SETD7: variants seen among roughly 807,000 people sequenced by gnomAD.
SETD7 encodes the protein SET domain containing 7, histone lysine methyltransferase, also known as histone-lysine N-methyltransferase SETD7.
SETD7 carries 16 observed loss-of-function variants against 41.8 expected under a neutral mutation model. The observed-to-expected ratio is 0.38, with a 90% confidence interval of 0.26 to 0.58. The LOEUF (loss-of-function observed/expected upper bound fraction) is 0.58, where lower values mean the gene tolerates loss of function less well. Among genes scored for constraint, SETD7 ranks in the 20% least tolerant of loss-of-function variants. The probability of loss-of-function intolerance (pLI) is 0.64; values close to 1 mark genes in which losing one functional copy is unlikely to be tolerated. For synonymous variants in SETD7, 163 were observed against 169.7 expected (o/e 0.96, Z 0.31); for missense variants, 346 against 459.7 (o/e 0.75, Z 2.26).
At chr4:139,502,070 A>G (rs1726590802), downstream of SETD7, among the ~76,000 whole-genome samples, 1 of 152,248 alleles carries the variant, frequency 6.6e-6, no homozygotes, top group Admixed American at 6.5e-5. Context: ...AAGTTATGTC[A>G]CACAGCTAGA....
At chr4:139,535,397 T>G (rs1727610721) in intron 2 of SETD7, among the ~76,000 whole-genome samples, 1 of 152,204 alleles carries the variant, frequency 6.6e-6, no homozygotes, top group African/African-American at 2.4e-5. Context: ...AGATTTTTAT[T>G]TGCTCATCCT....
In SETD7 at chr4:139,510,163, T is replaced by C. The variant is rs947558468; in HGVS notation, c.*1500A>G. 6.6e-5 allele frequency: 10 copies of C among 152,428 alleles called. No homozygotes were observed. The highest frequency in any genetic ancestry group is 2.4e-4 in the African/African-American group (10 of 41,586). The allele number at this position is 152,428 out of a possible 1,614,324, so 9.4% of individuals were successfully genotyped here. On this transcript the variant is annotated 3_prime_UTR_variant, in exon 8 of 8. Transcript: ENST00000274031. ...CCTTCTCTCATCAGCTGGAGCTCAC[T>C]ATCTGCTACAGCTTGGAAGGCCTTC...
Position 139,511,587 on chromosome 4 carries a change from T to G in SETD7, c.*76A>C. ...CGTCACAGCATGAGCAGTCCCTGGT[T>G]GTCCCATTGTCAGATAAACGTAGTG... On this transcript the variant is annotated 3_prime_UTR_variant, in exon 8 of 8. Transcript: ENST00000274031. 6.3e-7 allele frequency: 1 copy of G among 1,599,532 alleles called. No individual in the cohort carries two copies. The highest frequency in any genetic ancestry group is 1.4e-5 in the African/African-American group (1 of 73,980).
At position 139,533,993 on chromosome 4, in the gene SETD7, A is replaced by ATG. The variant is rs1239426423; in HGVS notation, c.171-628_171-627insCA. Among the ~76,000 whole-genome samples the ATG allele has an allele frequency of 6.3e-3, 939 of 148,544 alleles. 10 individuals carry two copies. Among genetic ancestry groups the ATG allele is most frequent in the African/African-American group, 0.017 (683 of 40,150 alleles). ...TGTATGTATGTATGTATGTATGTAT[A>ATG]TCTATGTATATACATACATCCATGA... On this transcript the variant is annotated intron_variant, in intron 2 of 7. Transcript: ENST00000274031.
intron 5 of SETD7, among the ~76,000 whole-genome samples, chr4:139,521,435 A>G (rs1041795743): frequency 1.3e-5 from 2 of 152,166 alleles, no homozygotes; most frequent in African/African-American, 4.8e-5. Flanking sequence ...TTAAAAAAAA[A>G]AAAGAAAAAA....
At position 139,529,919 on chromosome 4, in the gene SETD7, C is replaced by T. The variant is rs189763195; in HGVS notation, c.373-699G>A. Among the ~76,000 whole-genome samples the T allele has an allele frequency of 3.5e-4, 53 of 152,298 alleles. 1 individual carries two copies. The East Asian group carries it at 5.6e-3, about 16-fold the overall frequency. On this transcript the variant is annotated intron_variant, in intron 3 of 7. Transcript: ENST00000274031. ...TCAATTCTTTCTTTCCACTCTATTT[C>T]CTGCTCCCTCTTGCCTCCTTTTAGC...
In SETD7 at chr4:139,507,034, G is replaced by C. The variant is rs1235694082; in HGVS notation, c.*4629C>G. The C allele has an allele frequency of 1.3e-5, 2 of 152,776 alleles. No homozygotes were observed. Among genetic ancestry groups the C allele is most frequent in the Admixed American group, 6.5e-5 (1 of 15,286 alleles). 9.5% of individuals were successfully genotyped at this position (152,776 alleles called of 1,614,324 possible). A position where few individuals can be genotyped will look rare whatever the true frequency, so the allele number is the denominator to read the frequency against. On this transcript the variant is annotated 3_prime_UTR_variant, in exon 8 of 8. Coordinates refer to ENST00000274031, the MANE Select transcript of SETD7 (RefSeq NM_030648.4). Reference sequence around the variant, plus strand: ...TGCGAGGCAGAAGTCAGAAGGTAGAGATTGCTGGCAAAACTGTGAAGTCCC... The same window carrying C: ...TGCGAGGCAGAAGTCAGAAGGTAGACATTGCTGGCAAAACTGTGAAGTCCC...
At chr4:139,520,123 G>C (rs1435310898) in intron 6 of SETD7, among the ~76,000 whole-genome samples, 154 bp downstream of exon 6, 1 of 152,026 alleles carries the variant, frequency 6.6e-6, no homozygotes, top group Admixed American at 6.6e-5. Flanking sequence ...TCGTATTAAG[G>C]CTTAAAATAA....
At chr4:139,526,563 T>C (rs1727336038) in intron 4 of SETD7, among the ~76,000 whole-genome samples, 1 of 151,944 alleles carries the variant, frequency 6.6e-6, no homozygotes. Flanking sequence ...GGATTACAGC[T>C]GTGAGCCACC....
chr4:139,545,893 C>T, intron 2 of SETD7, among the ~76,000 whole-genome samples: 1 of 152,164 alleles, frequency 6.6e-6, no homozygotes, highest in Middle Eastern at 3.2e-3. Context: ...TTTACCCAAC[C>T]AACGGGTCTG....
intron 7 of SETD7, among the ~76,000 whole-genome samples, chr4:139,500,532 G>C (rs190018052): frequency 2.4e-4 from 37 of 152,230 alleles, no homozygotes; most frequent in African/African-American, 7.7e-4. Context: ...TTTTTGAGAC[G>C]GAGTCTTGCT....
At chr4:139,505,266 C>T (rs920858434), downstream of SETD7, among the ~76,000 whole-genome samples, 2 of 152,292 alleles carry the variant, frequency 1.3e-5, no homozygotes, top group Middle Eastern at 6.8e-3. Flanking sequence ...ACTATGTTGA[C>T]TCCTTTTGTC....
At chr4:139,538,053 CA>C (rs142257387) in intron 2 of SETD7, among the ~76,000 whole-genome samples, 85 of 151,138 alleles carry the variant, frequency 5.6e-4, no homozygotes, top group Admixed American at 4.5e-3. Flanking sequence ...AAAGCATCAT[CA>C]AAAAAAAGCA....
In SETD7 at chr4:139,531,946, T is replaced by TAGCCGG. The variant is rs763504245; in HGVS notation, c.372+1213_372+1218dup. 8.2e-4 allele frequency among the ~76,000 whole-genome samples: 124 copies of TAGCCGG among 151,922 alleles called. 1 individual carries two copies. Among genetic ancestry groups the TAGCCGG allele is most frequent in the Non-Finnish European group, 1.6e-3 (106 of 67,980 alleles). On this transcript the variant is annotated intron_variant, in intron 3 of 7. Transcript: ENST00000274031. ...CATTTTACTAAAAATACAAAAAAAT[T>TAGCCGG]AGCCGGGCGTAGTGGCCTGTGCCTG...
downstream of SETD7, chr4:139,495,928 C>T (rs113606854): frequency 9.7e-3 from 1,490 of 153,496 alleles, 17 homozygotes; most frequent in Middle Eastern, 0.02. Context: ...TACCTAATAA[C>T]CTGGGTTTAA....
intron 1 of SETD7, among the ~76,000 whole-genome samples, chr4:139,552,180 T>C (rs530289477): frequency 3.3e-5 from 5 of 152,286 alleles, no homozygotes; most frequent in African/African-American, 1.2e-4. Flanking sequence ...ATACACTTCA[T>C]ATGCATTTTC....
At chr4:139,537,195 G>A (rs1320888537) in intron 2 of SETD7, among the ~76,000 whole-genome samples, 4 of 152,158 alleles carry the variant, frequency 2.6e-5, no homozygotes, top group East Asian at 1.9e-4. Context: ...GGCTGTTCTC[G>A]AACTCCTGAC....
At chr4:139,503,498 T>C (rs1289961452), downstream of SETD7, among the ~76,000 whole-genome samples, 1 of 152,110 alleles carries the variant, frequency 6.6e-6, no homozygotes, top group African/African-American at 2.4e-5. Context: ...TTCTGTAAAA[T>C]GGTGTGGTAA....
rs76929948 is a variant in SETD7, at chr4:139,555,477, G to C, written c.40+621C>G. Among the ~76,000 whole-genome samples, 3 of 151,988 alleles carry C rather than the reference G, an allele frequency of 2.0e-5. No homozygotes were observed. Among genetic ancestry groups the C allele is most frequent in the Non-Finnish European group, 2.9e-5 (2 of 67,944 alleles). On this transcript the variant is annotated intron_variant, in intron 1 of 7. Coordinates refer to ENST00000274031, the MANE Select transcript of SETD7 (RefSeq NM_030648.4). This position sits in a 1 kb window ranked among gnomAD's most constrained non-coding sequence, Gnocchi z 4.0. ...GGGAGGGCTGCCCGCCTCCCGGACG[G>C]CGCACGTTCGAGTCCCGGGTCGGGA...
Sources: gnomAD v4.1 joint callset for allele counts (sites outside exome capture counted in the v4.1 genomes callset) on GRCh38, gnomAD v4.1.1 for gene constraint, Gnocchi (gnomAD v3.1) non-coding constraint, MANE v1.5 for transcripts, NCBI Gene and HGNC (gene_info 2026-07-23, HGNC 2026-07-21) for gene names.